Variants in PRKAR1A observed in about 807,000 individuals in gnomAD.
The protein encoded by PRKAR1A is protein kinase cAMP-dependent type I regulatory subunit alpha.
In PRKAR1A, 3 loss-of-function variants were observed where a neutral mutation model predicts 52.0. That is an observed-to-expected ratio of 0.06 (90% CI 0.03 to 0.15). The LOEUF (loss-of-function observed/expected upper bound fraction) is 0.15. PRKAR1A is among the 10% of genes least tolerant of loss of function. The pLI is 1.00. For synonymous variants in PRKAR1A, 188 were observed against 168.4 expected (o/e 1.12, Z -0.90); for missense variants, 240 against 477.4 (o/e 0.50, Z 4.63).
chr17:68,551,145 G>C, exon 12 of PRKAR1A: 1 of 1,233,068 alleles, frequency 8.1e-7, no homozygotes, highest in Non-Finnish European at 1.0e-6. Flanking sequence ...CCGAACTCTA[G>C]GAGACCCTAA....
chr17:68,544,251 C>CG (rs1460580597), intron 11 of PRKAR1A, among the ~76,000 whole-genome samples: 1 of 151,804 alleles, frequency 6.6e-6, no homozygotes, highest in Non-Finnish European at 1.5e-5. Context: ...ACCATCATCC[C>CG]CTCAGAGAAA....
At chr17:68,518,499 C>T (rs908737431) in intron 2 of PRKAR1A, among the ~76,000 whole-genome samples, 1 of 152,262 alleles carries the variant, frequency 6.6e-6, no homozygotes, top group Non-Finnish European at 1.5e-5. Flanking sequence ...CTTGCACTCT[C>T]TGAAGTAATG....
intron 11 of PRKAR1A, chr17:68,539,761 A>AG: frequency 6.9e-6 from 6 of 874,508 alleles, no homozygotes; most frequent in Non-Finnish European, 9.4e-6. Context: ...CCGGGCTCGA[A>AG]GGAGACAAGG....
chr17:68,426,245 GGAGC>G, the PRKAR1A span: 23 of 948,196 alleles, frequency 2.4e-5, no homozygotes, highest in Non-Finnish European at 2.7e-5. Context: ...TGGCGGGTGG[GGAGC>G]GGGGGCTCAA....
At chr17:68,465,804 G>T in the PRKAR1A span, among the ~76,000 whole-genome samples, 1 of 151,840 alleles carries the variant, frequency 6.6e-6, no homozygotes, top group East Asian at 1.9e-4. Flanking sequence ...GAGTGTATAG[G>T]CAATGGTGAT....
the PRKAR1A span, among the ~76,000 whole-genome samples, chr17:68,442,634 C>T: frequency 6.6e-6 from 1 of 152,158 alleles, no homozygotes; most frequent in Non-Finnish European, 1.5e-5. Context: ...CAGCTTCTAG[C>T]TTTCTGCATG....
At chr17:68,455,323 C>T in the PRKAR1A span, among the ~76,000 whole-genome samples, 1 of 145,978 alleles carries the variant, frequency 6.9e-6, no homozygotes, top group Admixed American at 7.0e-5. Flanking sequence ...AAGACCACAC[C>T]ACTGCACTCC....
At chr17:68,452,760 G>A in the PRKAR1A span, 6 of 613,460 alleles carry the variant, frequency 9.8e-6, no homozygotes, top group African/African-American at 3.7e-5. Context: ...TAGTGGCAAC[G>A]ATTTATATTT....
chr17:68,513,144 T>A (rs145007236), intron 1 of PRKAR1A: 2 of 152,456 alleles, frequency 1.3e-5, no homozygotes. Context: ...CCCTGAGGCC[T>A]CCTCGCCACC....
chr17:68,452,951 G>T, the PRKAR1A span: 1 of 1,614,092 alleles, frequency 6.2e-7, no homozygotes, highest in Non-Finnish European at 8.5e-7. Context: ...AGAACTCAGA[G>T]AAAACAGCTT....
chr17:68,515,007 A>G, intron 1 of PRKAR1A: 1 of 285,650 alleles, frequency 3.5e-6, no homozygotes, highest in South Asian at 3.5e-5. Flanking sequence ...TGCCCTGGTA[A>G]TTCTGTATCC....
the PRKAR1A span, among the ~76,000 whole-genome samples, chr17:68,445,049 T>C: frequency 1.3e-5 from 2 of 151,596 alleles, no homozygotes; most frequent in Non-Finnish European, 2.9e-5. Flanking sequence ...GCCTCCTGAG[T>C]AGCTGGGATT....
intron 11 of PRKAR1A, among the ~76,000 whole-genome samples, chr17:68,545,199 A>G (rs935095640): frequency 3.3e-5 from 5 of 152,260 alleles, no homozygotes; most frequent in African/African-American, 1.2e-4. Context: ...AATGTAGATT[A>G]CACTGTGTTA....
At chr17:68,544,743 TATC>T (rs1318093279) in intron 11 of PRKAR1A, among the ~76,000 whole-genome samples, 1 of 152,178 alleles carries the variant, frequency 6.6e-6, no homozygotes, top group Non-Finnish European at 1.5e-5. Context: ...CTGGCCAGCT[TATC>T]ATCATCACTG....
intron 11 of PRKAR1A, chr17:68,539,775 G>A (rs1370390944): frequency 3.1e-5 from 30 of 972,858 alleles, no homozygotes; most frequent in Non-Finnish European, 3.9e-5. Flanking sequence ...GACAAGGCAC[G>A]TGGTGGTGGA....
chr17:68,541,042 C>A, intron 11 of PRKAR1A: 1 of 1,542,042 alleles, frequency 6.5e-7, no homozygotes, highest in South Asian at 1.2e-5. Flanking sequence ...CCTGCCCCCC[C>A]AATCCCTGCC....
At chr17:68,451,204 G>T in the PRKAR1A span, among the ~76,000 whole-genome samples, 18 of 152,254 alleles carry the variant, frequency 1.2e-4, no homozygotes, top group Admixed American at 9.8e-4. Context: ...GCTGAGGCAG[G>T]AGAATCACTT....
chr17:68,545,559 TG>T (rs1196487041), intron 11 of PRKAR1A, among the ~76,000 whole-genome samples: 1 of 152,250 alleles, frequency 6.6e-6, no homozygotes, highest in Non-Finnish European at 1.5e-5. Flanking sequence ...ATAATCTTTT[TG>T]CTGACTGACT....
the PRKAR1A span, among the ~76,000 whole-genome samples, chr17:68,444,175 A>G: frequency 6.6e-6 from 1 of 152,234 alleles, no homozygotes; most frequent in African/African-American, 2.4e-5. Context: ...AATTAGGGGT[A>G]AACACTTTTC....
Sources: gnomAD v4.1 joint callset for allele counts (sites outside exome capture counted in the v4.1 genomes callset) on GRCh38, gnomAD v4.1.1 for gene constraint, MANE v1.5 for transcripts, NCBI Gene and HGNC (gene_info 2026-07-23, HGNC 2026-07-21) for gene names.